Variants in TFAP2C observed in about 807,000 individuals in gnomAD.
TFAP2C encodes transcription factor AP-2 gamma.
In TFAP2C, 9 loss-of-function variants were observed where a neutral mutation model predicts 42.9. That is an observed-to-expected ratio of 0.21 (90% CI 0.13 to 0.37). The LOEUF is 0.37. TFAP2C is among the 10% of genes least tolerant of loss of function. The pLI is 1.00. For synonymous variants in TFAP2C, 264 were observed against 256.0 expected (o/e 1.03, Z -0.30); for missense variants, 462 against 591.7 (o/e 0.78, Z 2.27).
At chr20:56,632,915 A>G (rs1031042077) in intron 3 of TFAP2C, among the ~76,000 whole-genome samples, 7 of 152,076 alleles carry the variant, frequency 4.6e-5, no homozygotes, top group African/African-American at 1.7e-4. Context: ...TCTCTGAAGT[A>G]GGGGGCTTTT....
At position 56,631,097 on chromosome 20, in the gene TFAP2C, G is replaced by A; in HGVS notation, c.49-108G>A. On this transcript the variant is annotated intron_variant, in intron 1 of 6. Transcript: ENST00000201031. This position sits in a 1 kb window ranked among gnomAD's most constrained non-coding sequence, Gnocchi z 6.1. ...ACCCTGGGCAAGCCCCGCCGGGCGG[G>A]GTGCGGTTGGTCCCCCGGGGCCCTC... 1.5e-5 allele frequency: 21 copies of A among 1,438,070 alleles called. No individual in the cohort carries two copies. The highest frequency in any genetic ancestry group is 1.6e-5 in the Non-Finnish European group (18 of 1,102,344). 89.1% of individuals were successfully genotyped at this position (1,438,070 alleles called of 1,614,324 possible).
chr20:56,631,752 G>A lies in TFAP2C; in HGVS notation c.535-53G>A. The A allele has an allele frequency of 1.2e-6, 2 of 1,613,078 alleles. No individual in the cohort carries two copies. The highest frequency in any genetic ancestry group is 1.7e-6 in the Non-Finnish European group (2 of 1,179,756). ...CCCTACGGCCTTCTGCCCCCACCCC[G>A]CACTCCTCTAGGCTCCCCCGAACTT... On this transcript the variant is annotated intron_variant, in intron 2 of 6. Transcript: ENST00000201031. The surrounding 1 kb of genome is among the most constrained non-coding windows in gnomAD (Gnocchi z 6.1).
Position 56,631,127 on chromosome 20 carries a change from T to A in TFAP2C, c.49-78T>A. ...GGTTGGTCCCCCGGGGCCCTCTGCG[T>A]AGCCCGGCGATGCCGGCCAGTTCGC... On this transcript the variant is annotated intron_variant, in intron 1 of 6. Coordinates refer to ENST00000201031, the MANE Select transcript of TFAP2C (RefSeq NM_003222.4). This position sits in a 1 kb window ranked among gnomAD's most constrained non-coding sequence, Gnocchi z 6.1. The A allele has an allele frequency of 6.8e-7, 1 of 1,464,606 alleles. No individual in the cohort carries two copies. The highest frequency in any genetic ancestry group is 9.0e-7 in the Non-Finnish European group (1 of 1,113,694). The allele number at this position is 1,464,606 out of a possible 1,614,324, so 90.7% of individuals were successfully genotyped here.
chr20:56,634,714 A>G (rs1361374673), intron 5 of TFAP2C, among the ~76,000 whole-genome samples: 2 of 152,162 alleles, frequency 1.3e-5, no homozygotes, highest in Non-Finnish European at 2.9e-5. Context: ...TGGTCAGTGA[A>G]GAGAACCTCT....
chr20:56,631,649 C>G lies in TFAP2C; in HGVS notation c.493C>G (p.Leu165Val), dbSNP rs766607647. The G allele has an allele frequency of 1.0e-4, 161 of 1,583,614 alleles. No individual in the cohort carries two copies. Among genetic ancestry groups the G allele is most frequent in the South Asian group, 8.0e-5 (7 of 87,134 alleles). Residue 165 changes from leucine to valine, a missense_variant, in exon 2 of 7, where the codon CTG becomes GTG. Around this residue, in one of 5 missense-constraint regions of TFAP2C, gnomAD observed 271 missense variants for 269.7 expected, o/e 1.00. Coordinates refer to ENST00000201031, the MANE Select transcript of TFAP2C (RefSeq NM_003222.4). This position sits in a 1 kb window ranked among gnomAD's most constrained non-coding sequence, Gnocchi z 6.1. ...ALDAAGLAEN[L>V]GLHDMPHQMD... ...GGATGCCGCGGGCCTGGCCGAGAAC[C>G]TGGGGCTCCACGACATGCCTCACCA... is the stretch of plus-strand genomic sequence containing the variant.
At position 56,638,201 on chromosome 20, in the gene TFAP2C, G is replaced by A; in HGVS notation, c.*188G>A. The stretch of plus-strand genomic sequence containing the variant: ...TTCTTAGTTGTTTCTCTAGCGCTGA[G>A]CTATCTCCTAACTTTGGACCTATTA... On this transcript the variant is annotated 3_prime_UTR_variant, in exon 7 of 7. Coordinates refer to ENST00000201031, the MANE Select transcript of TFAP2C (RefSeq NM_003222.4). 3 of 577,966 alleles carry A rather than the reference G, an allele frequency of 5.2e-6. No individual in the cohort carries two copies. Among genetic ancestry groups the A allele is most frequent in the Non-Finnish European group, 6.0e-6 (2 of 330,694 alleles). The allele number at this position is 577,966 out of a possible 1,614,324, so 35.8% of individuals were successfully genotyped here.
chr20:56,630,839 G>A lies in TFAP2C; in HGVS notation c.49-366G>A, dbSNP rs958742713. On this transcript the variant is annotated intron_variant, in intron 1 of 6. Transcript: ENST00000201031. The surrounding 1 kb of genome is among the most constrained non-coding windows in gnomAD (Gnocchi z 5.1). ...TCTGCACCGGGCGTCCGGCTCCTTC[G>A]CCCCGGGCTCTGGCTCCTTCGCCCC... The A allele has an allele frequency of 2.2e-5, 22 of 984,114 alleles. No individual in the cohort carries two copies. In the African/African-American group the frequency reaches 3.5e-4, roughly 16 times the overall value. 61.0% of individuals were successfully genotyped at this position (984,114 alleles called of 1,614,324 possible).
At chr20:56,633,694 G>T (rs1987534810) in intron 4 of TFAP2C, 125 bp downstream of exon 4, 1 of 725,344 alleles carries the variant, frequency 1.4e-6, no homozygotes, top group Non-Finnish European at 2.3e-6. Context: ...TCGGGTTAGA[G>T]TTTTAGTACA....
In TFAP2C at chr20:56,630,824, G is replaced by A. The variant is rs1467538227; in HGVS notation, c.49-381G>A. 10 of 985,264 alleles carry A rather than the reference G, an allele frequency of 1.0e-5. No homozygotes were observed. The highest frequency in any genetic ancestry group is 1.2e-5 in the Non-Finnish European group (10 of 829,914). 61.0% of individuals were successfully genotyped at this position (985,264 alleles called of 1,614,324 possible). On this transcript the variant is annotated intron_variant, in intron 1 of 6. Coordinates refer to ENST00000201031, the MANE Select transcript of TFAP2C (RefSeq NM_003222.4). The surrounding 1 kb of genome is among the most constrained non-coding windows in gnomAD (Gnocchi z 5.1). ...GCTCCACGAGATAGCTCTGCACCGGGCGTCCGGCTCCTTCGCCCCGGGCTC... is the reference window on the plus strand; with the variant it reads ...GCTCCACGAGATAGCTCTGCACCGGACGTCCGGCTCCTTCGCCCCGGGCTC...
rs1987501762 is a variant in TFAP2C at position 56,631,942 on chromosome 20, C to G, written c.586+86C>G. 6 of 1,460,930 alleles carry G rather than the reference C, an allele frequency of 4.1e-6. No homozygotes were observed. The South Asian group carries it at 5.7e-5, about 14-fold the overall frequency. 90.5% of individuals were successfully genotyped at this position (1,460,930 alleles called of 1,614,324 possible). ...TGGCAAGGTTGGGGGTATTTGGTGG[C>G]CAGCGTGGGACATTTGTGGTAGAAG... is the stretch of plus-strand genomic sequence containing the variant. On this transcript the variant is annotated intron_variant, in intron 3 of 6. Transcript: ENST00000201031. The surrounding 1 kb of genome is among the most constrained non-coding windows in gnomAD (Gnocchi z 6.1).
intron 3 of TFAP2C, among the ~76,000 whole-genome samples, chr20:56,632,834 AC>A (rs1987516805): frequency 6.6e-6 from 1 of 151,876 alleles, no homozygotes; most frequent in Non-Finnish European, 1.5e-5. Flanking sequence ...AAAAAAAGAA[AC>A]CCTCCAAGCT....
chr20:56,633,602 G>A (rs763187112), intron 4 of TFAP2C, 33 bp downstream of exon 4: 6 of 1,574,246 alleles, frequency 3.8e-6, no homozygotes, highest in Non-Finnish European at 5.2e-6. Flanking sequence ...CATAGTGGTT[G>A]GGTAGTTGAA....
intron 5 of TFAP2C, among the ~76,000 whole-genome samples, chr20:56,635,345 T>C (rs1218642518): frequency 6.6e-6 from 1 of 152,098 alleles, no homozygotes; most frequent in African/African-American, 2.4e-5. Flanking sequence ...CCCTCCACCA[T>C]CTGGGTTTTT....
intron 5 of TFAP2C, among the ~76,000 whole-genome samples, chr20:56,636,017 G>A (rs1987576827): frequency 6.6e-6 from 1 of 152,102 alleles, no homozygotes; most frequent in African/African-American, 2.4e-5. Flanking sequence ...ATCTGAGTTT[G>A]GATGAATACA....
In TFAP2C at chr20:56,630,688, G is replaced by A. The variant is rs1290186746; in HGVS notation, c.49-517G>A. The A allele has an allele frequency of 2.0e-6, 2 of 985,208 alleles. No homozygotes were observed. The highest frequency in any genetic ancestry group is 2.4e-6 in the Non-Finnish European group (2 of 829,862). The allele number at this position is 985,208 out of a possible 1,614,324, so 61.0% of individuals were successfully genotyped here. A position where few individuals can be genotyped will look rare whatever the true frequency, so the allele number is the denominator to read the frequency against. On this transcript the variant is annotated intron_variant, in intron 1 of 6. Transcript: ENST00000201031. This position sits in a 1 kb window ranked among gnomAD's most constrained non-coding sequence, Gnocchi z 5.1. Reference sequence around the variant, plus strand: ...GCCCGCTCGGAGGTCTTTGTCCCGAGGGCGTGGAAGGGAGGGTCCCGGGGG... The same window carrying A: ...GCCCGCTCGGAGGTCTTTGTCCCGAAGGCGTGGAAGGGAGGGTCCCGGGGG...
In TFAP2C at chr20:56,633,334, C is replaced by A. The variant is rs768915145; in HGVS notation, c.587-19C>A. The A allele has an allele frequency of 6.9e-6, 11 of 1,600,388 alleles. No homozygotes were observed. Among genetic ancestry groups the A allele is most frequent in the Non-Finnish European group, 9.4e-6 (11 of 1,170,080 alleles). On this transcript the variant is annotated intron_variant, in intron 3 of 6. Coordinates refer to ENST00000201031, the MANE Select transcript of TFAP2C (RefSeq NM_003222.4). ...CAGAGAGAGCTCTTGTGACTGCCAGCTCTGACCTTCATTCACAGGTCCCAT... is the reference window on the plus strand; with the variant it reads ...CAGAGAGAGCTCTTGTGACTGCCAGATCTGACCTTCATTCACAGGTCCCAT...
At chr20:56,632,817 G>GA (rs35789407) in intron 3 of TFAP2C, among the ~76,000 whole-genome samples, 1,801 of 141,362 alleles carry the variant, frequency 0.013, 30 homozygotes, top group African/African-American at 0.039. Context: ...CAGCTGCTAG[G>GA]AAAAAAAAAA....
chr20:56,630,700 G>A lies in TFAP2C; in HGVS notation c.49-505G>A. ...GTCTTTGTCCCGAGGGCGTGGAAGG[G>A]AGGGTCCCGGGGGCGGGGGAGGTGC... On this transcript the variant is annotated intron_variant, in intron 1 of 6. Transcript: ENST00000201031. The surrounding 1 kb of genome is among the most constrained non-coding windows in gnomAD (Gnocchi z 5.1). 4 of 985,388 alleles carry A rather than the reference G, an allele frequency of 4.1e-6. No homozygotes were observed. Among genetic ancestry groups the A allele is most frequent in the Non-Finnish European group, 4.8e-6 (4 of 829,896 alleles). 61.0% of individuals were successfully genotyped at this position (985,388 alleles called of 1,614,324 possible). A position where few individuals can be genotyped will look rare whatever the true frequency, so the allele number is the denominator to read the frequency against.
At chr20:56,635,846 A>G (rs572779329) in intron 5 of TFAP2C, among the ~76,000 whole-genome samples, 85 of 152,330 alleles carry the variant, frequency 5.6e-4, no homozygotes, top group African/African-American at 1.9e-3. Flanking sequence ...ATCCTTCCGT[A>G]TAGTTTAAAT....
Sources: gnomAD v4.1 joint callset for allele counts (sites outside exome capture counted in the v4.1 genomes callset) on GRCh38, gnomAD v4.1.1 for gene constraint, gnomAD v4.1.1 regional missense constraint, Gnocchi (gnomAD v3.1) non-coding constraint, MANE v1.5 for transcripts, NCBI Gene and HGNC (gene_info 2026-07-23, HGNC 2026-07-21) for gene names.